The following ARHGAP29 variants were observed in gnomAD, a reference collection of about 807,000 sequenced individuals.
The protein encoded by ARHGAP29 is rho GTPase-activating protein 29.
ARHGAP29 carries 43 observed loss-of-function variants against 122.6 expected under a neutral mutation model. The observed-to-expected ratio is 0.35, with a 90% CI of 0.27 to 0.45. The LOEUF (loss-of-function observed/expected upper bound fraction) is 0.45, where lower values mean the gene tolerates loss of function less well. ARHGAP29 is among the 20% of genes least tolerant of loss of function. The pLI, the probability that ARHGAP29 is intolerant of heterozygous loss-of-function variation, is 1.00. For missense variants in ARHGAP29, 1,303 were observed against 1,477.2 expected, an observed-to-expected ratio of 0.88 and a Z score of 1.93; for synonymous variants, 506 against 497.1, an observed-to-expected ratio of 1.02 and a Z score of -0.24.
At chr1:94,273,723 AT>A (rs977530152) in intron 1 of ARHGAP29, among the ~76,000 whole-genome samples, 1 of 151,996 alleles carries the variant, frequency 6.6e-6, no homozygotes. Context: ...CTTGCCTTGG[AT>A]TTTTTTTATA....
intron 5 of ARHGAP29, among the ~76,000 whole-genome samples, chr1:94,208,083 C>T (rs1014147889): frequency 6.6e-6 from 1 of 152,092 alleles, no homozygotes; most frequent in Non-Finnish European, 1.5e-5. Context: ...AGTGATCCTC[C>T]CACCATGACC....
At chr1:94,297,454 C>T in the ARHGAP29 span, among the ~76,000 whole-genome samples, 1 of 152,158 alleles carries the variant, frequency 6.6e-6, no homozygotes, top group South Asian at 2.1e-4. Context: ...ATGCAAACTG[C>T]TTTCTATCCA....
intron 1 of ARHGAP29, among the ~76,000 whole-genome samples, chr1:94,264,562 T>G (rs1276847144): frequency 6.6e-6 from 1 of 152,152 alleles, no homozygotes; most frequent in Admixed American, 6.5e-5. Context: ...TTTGGGCTCT[T>G]GAGTTCACTC....
intron 1 of ARHGAP29, among the ~76,000 whole-genome samples, chr1:94,246,561 G>A (rs1653805127): frequency 6.6e-6 from 1 of 151,936 alleles, no homozygotes; most frequent in Non-Finnish European, 1.5e-5. Context: ...GAAAACAGAG[G>A]ATGTCAAAGA....
chr1:94,218,889 A>G (rs1652113249), intron 3 of ARHGAP29, among the ~76,000 whole-genome samples: 1 of 152,080 alleles, frequency 6.6e-6, no homozygotes, highest in Admixed American at 6.6e-5. Context: ...CATGCCCTTT[A>G]GCCTCTCCAA....
chr1:94,276,506 C>T (rs1267147389), upstream of ARHGAP29, among the ~76,000 whole-genome samples: 7 of 151,394 alleles, frequency 4.6e-5, no homozygotes, highest in South Asian at 2.1e-4. Context: ...GTGGTTCACA[C>T]CTGTAATCAC....
At position 94,220,324 on chromosome 1, in the gene ARHGAP29, T is replaced by C; in HGVS notation, c.274A>G (p.Lys92Glu). The change falls in exon 3 of 23, where the codon AAA (lysine) becomes GAA (glutamate). Residue 92 changes from lysine (K) to glutamate (E), a missense_variant. Lys to Glu is a moderately conservative substitution (Grantham distance 56, BLOSUM62 1). Transcript: ENST00000260526. ...TCAACAGAATTGAGGTTCTGATGTT[T>C]ATTCATTATAGACTTTAAAACACGG... ...LLRVLKSIMN[K>E]HQNLNSVDLQ... 1.9e-6 allele frequency: 3 copies of C among 1,613,468 alleles called. No individual in the cohort carries two copies. Among genetic ancestry groups the C allele is most frequent in the Non-Finnish European group, 2.5e-6 (3 of 1,179,538 alleles).
intron 1 of ARHGAP29, among the ~76,000 whole-genome samples, chr1:94,271,888 G>A (rs1655008696): frequency 6.6e-6 from 1 of 152,190 alleles, no homozygotes; most frequent in African/African-American, 2.4e-5. Flanking sequence ...GCTTCTACCT[G>A]CACACTTTGG....
intron 19 of ARHGAP29, among the ~76,000 whole-genome samples, chr1:94,182,132 C>T (rs1454184538): frequency 1.3e-5 from 2 of 151,298 alleles, no homozygotes; most frequent in Non-Finnish European, 2.9e-5. Flanking sequence ...TCAGATATGG[C>T]AGTCATTAAA....
intron 3 of ARHGAP29, among the ~76,000 whole-genome samples, chr1:94,212,115 C>T (rs1197120507): frequency 2.0e-5 from 3 of 152,128 alleles, no homozygotes; most frequent in Non-Finnish European, 4.4e-5. Context: ...CCCGTCTCTA[C>T]TAAAAGTACA....
Position 94,202,984 on chromosome 1 carries a change from C to T in ARHGAP29, c.888G>A (p.Arg296=). 1 of 1,608,478 alleles carries T rather than the reference C, an allele frequency of 6.2e-7. No individual in the cohort carries two copies. The part of the protein sequence containing the change: ...ANKFVQPLLG[R]KNEMEKQRKE... ...TCCTTTGTTTTTCCATTTCATTTTT[C>T]CTTCCAAGTAGAGGCTGTGAAAGGT... Residue 296 remains arginine, a synonymous_variant, in exon 10 of 23, where the codon AGG becomes AGA. Coordinates refer to ENST00000260526, the MANE Select transcript of ARHGAP29 (RefSeq NM_004815.4).
At position 94,185,470 on chromosome 1, in the gene ARHGAP29, G is replaced by A. The variant is rs149253725; in HGVS notation, c.1792C>T (p.Leu598Phe). 66 of 1,606,314 alleles carry A rather than the reference G, an allele frequency of 4.1e-5. No homozygotes were observed. Among genetic ancestry groups the A allele is most frequent in the Non-Finnish European group, 4.8e-5 (56 of 1,177,314 alleles). ...ATCAATGTTTTCTTAAATGTTCCAA[G>A]GGAATTGGGTCCTTGCAAGAGAAAT... is the stretch of plus-strand genomic sequence containing the variant. ...PSPSETGPNSLGTFKKTLMSK... is the reference protein window; with the variant it reads ...PSPSETGPNSFGTFKKTLMSK... The change falls in exon 17 of 23, where the codon CTT (leucine) becomes TTT (phenylalanine). Residue 598 changes from leucine (L) to phenylalanine (F), a missense_variant. By Grantham distance (22) the Leu-to-Phe change is conservative (BLOSUM62 0). Coordinates refer to ENST00000260526, the MANE Select transcript of ARHGAP29 (RefSeq NM_004815.4).
the ARHGAP29 span, among the ~76,000 whole-genome samples, chr1:94,295,798 T>TGTGGAATCTTCTAATTCCACACAA: frequency 6.1e-3 from 63 of 10,392 alleles, no homozygotes; most frequent in East Asian, 0.017. Flanking sequence ...TAATTCCACA[T>TGTGGAATCTTCTAATTCCACACAA]TGGGGTATTT....
chr1:94,232,466 CTGGTTAA>C (rs1048009289), intron 1 of ARHGAP29, among the ~76,000 whole-genome samples: 27 of 152,262 alleles, frequency 1.8e-4, no homozygotes, highest in African/African-American at 6.5e-4. Flanking sequence ...CATACTCTGA[CTGGTTAA>C]ATAAACACGT....
chr1:94,274,029 T>C (rs1655093920), intron 1 of ARHGAP29, among the ~76,000 whole-genome samples: 1 of 152,184 alleles, frequency 6.6e-6, no homozygotes, highest in Non-Finnish European at 1.5e-5. Flanking sequence ...AAAAGAACGC[T>C]GTAAGACAGG....
In ARHGAP29 at chr1:94,182,100, T is replaced by TAA. The variant is rs56040000; in HGVS notation, c.2247+2049_2247+2050dup. ...GGCTAGAGAATAAGCCAAGAATCCT[T>TAA]AAAAAAAAATTATAAATATCCTCAG... On this transcript the variant is annotated intron_variant, in intron 19 of 22. Transcript: ENST00000260526. Among the ~76,000 whole-genome samples the TAA allele has an allele frequency of 2.2e-4, 33 of 150,648 alleles. 1 individual carries two copies. The highest frequency in any genetic ancestry group is 6.3e-4 in the South Asian group (3 of 4,764).
rs745866627 is a variant in ARHGAP29 at position 94,177,821 on chromosome 1, T to G, written c.2796+31A>C. On this transcript the variant is annotated intron_variant, in intron 21 of 22. Coordinates refer to ENST00000260526, the MANE Select transcript of ARHGAP29 (RefSeq NM_004815.4). Reference sequence around the variant, plus strand: ...CTTATTAACATAAATATTACAAAGTTCTAATATAATTCTATAAAGGTCAAA... The same window carrying G: ...CTTATTAACATAAATATTACAAAGTGCTAATATAATTCTATAAAGGTCAAA... The G allele has an allele frequency of 1.9e-6, 3 of 1,574,118 alleles. No homozygotes were observed. In the East Asian group the frequency reaches 6.8e-5, roughly 35 times the overall value.
chr1:94,229,845 G>A (rs1012332623), intron 2 of ARHGAP29, among the ~76,000 whole-genome samples: 2 of 151,388 alleles, frequency 1.3e-5, no homozygotes, highest in Non-Finnish European at 3.0e-5. Context: ...AAGTAGTCCA[G>A]CTTGTTTTAA....
At chr1:94,312,652 G>A in the ARHGAP29 span, among the ~76,000 whole-genome samples, 4,463 of 151,920 alleles carry the variant, frequency 0.029, 178 homozygotes, top group African/African-American at 0.086. Flanking sequence ...GGCTGCTCTC[G>A]AACTCCTGGC....
Sources: gnomAD v4.1 joint callset for allele counts (sites outside exome capture counted in the v4.1 genomes callset) on GRCh38, gnomAD v4.1.1 for gene constraint, MANE v1.5 for transcripts, NCBI Gene and HGNC (gene_info 2026-07-23, HGNC 2026-07-21) for gene names.